The following TIMD4 variants were observed in gnomAD, a reference collection of about 807,000 sequenced individuals.
TIMD4 encodes T cell immunoglobulin and mucin domain containing 4.
Under a neutral mutation model 41.2 loss-of-function variants are expected in TIMD4, and 31 were observed. The ratio of observed to expected loss-of-function variants is 0.75; its 90% CI spans 0.57 to 1.01. TIMD4 has a LOEUF of 1.01. TIMD4 is among the 50% of genes least tolerant of loss of function. TIMD4 has a pLI of 0.00. For missense variants in TIMD4, 479 were observed against 472.5 expected, an observed-to-expected ratio of 1.01 and a Z score of -0.13; for synonymous variants, 204 against 177.1, an observed-to-expected ratio of 1.15 and a Z score of -1.21.
At chr5:156,926,439 T>G (rs1411681305) in intron 5 of TIMD4, 127 bp from the exon 6 acceptor site, 13 of 900,242 alleles carry the variant, frequency 1.4e-5, no homozygotes, top group African/African-American at 3.4e-5. Context: ...AATCCCGTGT[T>G]TTTTGTATAA....
intron 1 of TIMD4, among the ~76,000 whole-genome samples, chr5:156,956,820 T>G (rs1365323117): frequency 6.6e-6 from 1 of 152,188 alleles, no homozygotes; most frequent in Non-Finnish European, 1.5e-5. Flanking sequence ...TTGTTTTCTC[T>G]TAGGCACCCT....
intron 5 of TIMD4, 87 bp from the exon 6 acceptor site, chr5:156,926,399 T>C (rs1471597956): frequency 3.8e-6 from 5 of 1,317,574 alleles, no homozygotes; most frequent in Non-Finnish European, 4.4e-6. Flanking sequence ...AGAGTCCATC[T>C]GGAACTGCAG....
intron 5 of TIMD4, among the ~76,000 whole-genome samples, chr5:156,940,724 C>T (rs989494140): frequency 2.2e-4 from 33 of 152,230 alleles, no homozygotes; most frequent in Non-Finnish European, 4.6e-4. Flanking sequence ...CGGCAGCCGC[C>T]CCGTCTGGGA....
chr5:156,946,190 C>G (rs527584588), intron 5 of TIMD4, among the ~76,000 whole-genome samples: 1 of 152,080 alleles, frequency 6.6e-6, no homozygotes, highest in African/African-American at 2.4e-5. Flanking sequence ...GAATGTTCTC[C>G]CTACTTTCCA....
intron 3 of TIMD4, 134 bp downstream of exon 3, chr5:156,951,378 G>T: frequency 1.8e-6 from 2 of 1,133,884 alleles, no homozygotes; most frequent in Non-Finnish European, 2.5e-6. Flanking sequence ...GTGTTTGTTT[G>T]ATAGGCCTAG....
chr5:156,932,526 G>T (rs1369655583), intron 5 of TIMD4, among the ~76,000 whole-genome samples: 2 of 152,128 alleles, frequency 1.3e-5, no homozygotes, highest in Non-Finnish European at 1.5e-5. Flanking sequence ...CCCAACAAAG[G>T]CCTGCGAGGG....
intron 6 of TIMD4, among the ~76,000 whole-genome samples, chr5:156,923,485 T>C (rs1301106110): frequency 2.0e-5 from 3 of 152,094 alleles, no homozygotes; most frequent in African/African-American, 7.2e-5. Flanking sequence ...GTCTCAGTTT[T>C]TTCTGCTGAG....
chr5:156,956,494 C>T (rs1214220011), intron 1 of TIMD4, among the ~76,000 whole-genome samples: 1 of 152,190 alleles, frequency 6.6e-6, no homozygotes, highest in Non-Finnish European at 1.5e-5. Context: ...CAAACCTGAG[C>T]CTGAATCCCT....
intron 1 of TIMD4, among the ~76,000 whole-genome samples, chr5:156,955,746 C>T (rs1009038689): frequency 2.0e-5 from 3 of 152,010 alleles, no homozygotes; most frequent in Non-Finnish European, 4.4e-5. Flanking sequence ...TTCCTTCTCT[C>T]CTTTCAGTGG....
Position 156,963,067 on chromosome 5 carries a change from C to G in TIMD4, c.58+74G>C. The G allele has an allele frequency of 2.0e-6, 3 of 1,471,980 alleles. No individual in the cohort carries two copies. In the South Asian group the frequency reaches 3.4e-5, roughly 17 times the overall value. 91.2% of individuals were successfully genotyped at this position (1,471,980 alleles called of 1,614,324 possible). A position where few individuals can be genotyped will look rare whatever the true frequency, so the allele number is the denominator to read the frequency against. On this transcript the variant is annotated intron_variant, in intron 1 of 8. Coordinates refer to ENST00000274532, the MANE Select transcript of TIMD4 (RefSeq NM_138379.3). ...AGCTTCTGCTTCACTGAGGCCCAAA[C>G]CAGTGCATGGAAATCCATCACACAA... is the stretch of plus-strand genomic sequence containing the variant.
chr5:156,949,579 AAG>A (rs1759814003), intron 4 of TIMD4, 70 bp downstream of exon 4: 21 of 1,318,776 alleles, frequency 1.6e-5, no homozygotes, highest in Non-Finnish European at 2.3e-5. Context: ...CTGATTCAGC[AAG>A]ACTTTTAGTA....
chr5:156,932,017 G>A (rs930532561), intron 5 of TIMD4, among the ~76,000 whole-genome samples: 3 of 147,052 alleles, frequency 2.0e-5, no homozygotes, highest in Admixed American at 6.7e-5. Flanking sequence ...ATAAAACTAC[G>A]CTTAGTATAG....
intron 5 of TIMD4, among the ~76,000 whole-genome samples, chr5:156,931,029 G>T (rs1359475940): frequency 6.6e-6 from 1 of 152,182 alleles, no homozygotes; most frequent in African/African-American, 2.4e-5. Context: ...AGTTAGAGAA[G>T]AAGTCAGAGG....
chr5:156,949,451 TCC>T (rs1759811260), intron 4 of TIMD4, among the ~76,000 whole-genome samples, 198 bp downstream of exon 4: 2 of 149,920 alleles, frequency 1.3e-5, no homozygotes, highest in African/African-American at 4.9e-5. Context: ...CTCCTCCTCC[TCC>T]TTCTCTCTCT....
At chr5:156,956,193 C>T (rs1416208790) in intron 1 of TIMD4, among the ~76,000 whole-genome samples, 1 of 151,182 alleles carries the variant, frequency 6.6e-6, no homozygotes, top group African/African-American at 2.4e-5. Context: ...ATGGGATTAA[C>T]TTTTTTAGAT....
chr5:156,950,240 A>G (rs1352443863), intron 3 of TIMD4, among the ~76,000 whole-genome samples: 1 of 152,204 alleles, frequency 6.6e-6, no homozygotes, highest in Non-Finnish European at 1.5e-5. Context: ...AGCTGGGATT[A>G]CAGGCTCACA....
intron 5 of TIMD4, among the ~76,000 whole-genome samples, chr5:156,935,888 A>G (rs1361069776): frequency 6.6e-6 from 1 of 151,968 alleles, no homozygotes; most frequent in Admixed American, 6.6e-5. Context: ...TCATCACTGG[A>G]CTCTCCTCTG....
At chr5:156,946,299 C>T (rs1759739543) in intron 5 of TIMD4, among the ~76,000 whole-genome samples, 1 of 152,164 alleles carries the variant, frequency 6.6e-6, no homozygotes, top group African/African-American at 2.4e-5. Flanking sequence ...TTTGGCACCC[C>T]ATTTCCCTTA....
intron 1 of TIMD4, among the ~76,000 whole-genome samples, chr5:156,959,766 G>A (rs1231741508): frequency 6.6e-6 from 1 of 152,194 alleles, no homozygotes; most frequent in African/African-American, 2.4e-5. Context: ...TAGGCCGGGT[G>A]TGGTGGCTCA....
Sources: allele counts gnomAD v4.1 joint callset (sites outside exome capture counted in the v4.1 genomes callset), GRCh38; gene constraint gnomAD v4.1.1; transcripts MANE v1.5; gene names NCBI Gene and HGNC (gene_info 2026-07-23, HGNC 2026-07-21).